RDH10: variants seen among roughly 807,000 people sequenced by gnomAD.
RDH10 encodes the protein retinol dehydrogenase 10 (all-trans).
RDH10 carries 12 observed loss-of-function variants against 30.2 expected under a neutral mutation model. The observed-to-expected ratio is 0.40, with a 90% confidence interval of 0.25 to 0.64. The LOEUF (loss-of-function observed/expected upper bound fraction) is 0.64. Among genes scored for constraint, RDH10 ranks in the 30% least tolerant of loss-of-function variants. The pLI is 0.43. For synonymous variants in RDH10, 189 were observed against 172.2 expected (o/e 1.10, Z -0.76); for missense variants, 268 against 445.2 (o/e 0.60, Z 3.58).
At chr8:73,313,134 G>A (rs1373162246) in intron 2 of RDH10, 1 of 152,166 alleles carries the variant, frequency 6.6e-6, no homozygotes, top group Non-Finnish European at 1.5e-5. Context: ...TTCCACTTTA[G>A]GCTAATTTGT....
chr8:73,310,099 T>A (rs1472057497), intron 2 of RDH10, among the ~76,000 whole-genome samples: 2 of 152,178 alleles, frequency 1.3e-5, no homozygotes, highest in Non-Finnish European at 2.9e-5. Context: ...AGGAAAAGCT[T>A]CCCAGGTGAT....
chr8:73,319,032 T>C, intron 2 of RDH10, 64 bp from the exon 3 acceptor site: 1 of 1,069,760 alleles, frequency 9.3e-7, no homozygotes. Context: ...TTTGTGATCC[T>C]GGACTGGGTT....
intron 2 of RDH10, among the ~76,000 whole-genome samples, chr8:73,299,682 A>G (rs1386433209): frequency 6.6e-6 from 1 of 152,228 alleles, no homozygotes; most frequent in Non-Finnish European, 1.5e-5. Context: ...AAGTTTAGCC[A>G]TCTTGCCTAC....
intron 2 of RDH10, among the ~76,000 whole-genome samples, chr8:73,317,516 G>A (rs1814694089): frequency 6.6e-6 from 1 of 152,120 alleles, no homozygotes; most frequent in African/African-American, 2.4e-5. Context: ...AAGACCTTGG[G>A]ATACTTCACA....
At chr8:73,317,204 A>G (rs78203419) in intron 2 of RDH10, among the ~76,000 whole-genome samples, 2,350 of 152,348 alleles carry the variant, frequency 0.015, 32 homozygotes, top group African/African-American at 0.038. Flanking sequence ...TAGGTCTTAG[A>G]GAAATGTAGA....
At position 73,319,146 on chromosome 8, in the gene RDH10, TGTGACAG is replaced by T. The variant is rs765208006; in HGVS notation, c.577_583del (p.Val193LeufsTer30). On this transcript the variant is annotated frameshift_variant, in exon 3 of 6. Coordinates refer to ENST00000240285, the MANE Select transcript of RDH10 (RefSeq NM_172037.5). LOFTEE classifies it high-confidence loss of function. ...TGCTGGAGATTAATCATGGTCATATTGTGACAGTTGCAAGTTCCTTGGGATTGTTCAG... is the reference window on the plus strand; with the variant it reads ...TGCTGGAGATTAATCATGGTCATATTTTGCAAGTTCCTTGGGATTGTTCAG... 1 of 1,613,926 alleles carries T rather than the reference TGTGACAG, an allele frequency of 6.2e-7. No individual in the cohort carries two copies. Among genetic ancestry groups the T allele is most frequent in the Admixed American group, 1.7e-5 (1 of 60,008 alleles).
chr8:73,306,385 CTT>C (rs1563548487), intron 2 of RDH10, among the ~76,000 whole-genome samples: 1 of 152,080 alleles, frequency 6.6e-6, no homozygotes, highest in South Asian at 2.1e-4. Context: ...TTTTTTTCTT[CTT>C]TTTTACTTTA....
Position 73,309,098 on chromosome 8 carries a change from T to C in RDH10, c.526-9998T>C, listed in dbSNP as rs74647778. Among the ~76,000 whole-genome samples the C allele has an allele frequency of 7.8e-3, 1,180 of 152,216 alleles. 9 individuals carry two copies. The highest frequency in any genetic ancestry group is 0.011 in the Non-Finnish European group (777 of 67,988). ...CCACATACACACACTTTTTTTTTCCTGAGCTAACCAGCCCTTTAGGAATCT... is the reference window on the plus strand; with the variant it reads ...CCACATACACACACTTTTTTTTTCCCGAGCTAACCAGCCCTTTAGGAATCT... On this transcript the variant is annotated intron_variant, in intron 2 of 5. Coordinates refer to ENST00000240285, the MANE Select transcript of RDH10 (RefSeq NM_172037.5).
Position 73,294,640 on chromosome 8 carries a change from C to A in RDH10, c.-650C>A, listed in dbSNP as rs1432483766. On this transcript the variant is annotated 5_prime_UTR_variant, in exon 1 of 6. Coordinates refer to ENST00000240285, the MANE Select transcript of RDH10 (RefSeq NM_172037.5). ...AGCGCTCTGACTTGCAAGCGGGCTG[C>A]GCTGCGGAGCCCAGTGCCCGAGTGA... 9.0e-6 allele frequency: 3 copies of A among 332,238 alleles called. No homozygotes were observed. Among genetic ancestry groups the A allele is most frequent in the Admixed American group, 4.9e-5 (1 of 20,484 alleles). The allele number at this position is 332,238 out of a possible 1,614,324, so 20.6% of individuals were successfully genotyped here.
chr8:73,315,272 C>T (rs1024673153), intron 2 of RDH10: 1 of 153,116 alleles, frequency 6.5e-6, no homozygotes, highest in South Asian at 1.9e-4. Flanking sequence ...CTCTCTCTCT[C>T]CCCCTCGCCC....
intron 2 of RDH10, chr8:73,297,980 G>A (rs191010757): frequency 8.4e-4 from 137 of 162,742 alleles, no homozygotes; most frequent in Middle Eastern, 6.6e-3. Flanking sequence ...ACAGTGCCTC[G>A]CAAATATCAC....
chr8:73,322,532 G>A (rs1814789246), intron 4 of RDH10, 147 bp from the exon 5 acceptor site: 2 of 698,652 alleles, frequency 2.9e-6, no homozygotes, highest in Admixed American at 6.5e-5. Context: ...GGAAAATTTG[G>A]AAAATACAGA....
Position 73,295,581 on chromosome 8 carries a change from AAC to A in RDH10, c.289+4_289+5del. On this transcript the variant is annotated splice_donor_5th_base_variant and intron_variant, in intron 1 of 5. Coordinates refer to ENST00000240285, the MANE Select transcript of RDH10 (RefSeq NM_172037.5). ...GGCCGACGCCGCTGCGCTGCAAGGTAACCTGGACCCGCGCGGGAGCATTGTTG... is the reference window on the plus strand; with the variant it reads ...GGCCGACGCCGCTGCGCTGCAAGGTACTGGACCCGCGCGGGAGCATTGTTG... 6.7e-7 allele frequency: 1 copy of A among 1,497,568 alleles called. No individual in the cohort carries two copies. Among genetic ancestry groups the A allele is most frequent in the Non-Finnish European group, 8.9e-7 (1 of 1,125,284 alleles). The allele number at this position is 1,497,568 out of a possible 1,614,324, so 92.8% of individuals were successfully genotyped here. A position where few individuals can be genotyped will look rare whatever the true frequency, so the allele number is the denominator to read the frequency against.
Position 73,321,203 on chromosome 8 carries a change from A to C in RDH10, c.770+126A>C, listed in dbSNP as rs1586197451. Reference sequence around the variant, plus strand: ...CAATCTGTGGCTTTTATTGGTCAAGATTTGTAAAGTTTGTAAAATTGGTGT... The same window carrying C: ...CAATCTGTGGCTTTTATTGGTCAAGCTTTGTAAAGTTTGTAAAATTGGTGT... On this transcript the variant is annotated intron_variant, in intron 4 of 5. Transcript: ENST00000240285. The C allele has an allele frequency of 5.4e-6, 5 of 925,510 alleles. No individual in the cohort carries two copies. The East Asian group carries it at 1.3e-4, about 24-fold the overall frequency. The allele number at this position is 925,510 out of a possible 1,614,324, so 57.3% of individuals were successfully genotyped here. A position where few individuals can be genotyped will look rare whatever the true frequency, so the allele number is the denominator to read the frequency against.
rs1386821135 is a variant in RDH10, at chr8:73,325,133, A to C, written c.*2097A>C. ...CTAGAGAAATCTGTTATAATTTAAC[A>C]ACCCACTTATCCACCTTAAAACTGA... On this transcript the variant is annotated 3_prime_UTR_variant, in exon 6 of 6. Coordinates refer to ENST00000240285, the MANE Select transcript of RDH10 (RefSeq NM_172037.5). The C allele has an allele frequency of 6.6e-6, 1 of 152,224 alleles. No homozygotes were observed. The highest frequency in any genetic ancestry group is 1.5e-5 in the Non-Finnish European group (1 of 68,046). The allele number at this position is 152,224 out of a possible 1,614,324, so 9.4% of individuals were successfully genotyped here.
chr8:73,296,692 G>A (rs1814272478), intron 1 of RDH10, among the ~76,000 whole-genome samples: 1 of 152,240 alleles, frequency 6.6e-6, no homozygotes, highest in East Asian at 1.9e-4. Flanking sequence ...TAAAAATTGT[G>A]GATTCATTTC....
At chr8:73,306,009 T>TA (rs1814458106) in intron 2 of RDH10, among the ~76,000 whole-genome samples, 1 of 152,228 alleles carries the variant, frequency 6.6e-6, no homozygotes. Context: ...GAAGCTCCTT[T>TA]AGGCTGAGAC....
chr8:73,302,294 A>G (rs1814393174), intron 2 of RDH10, among the ~76,000 whole-genome samples: 1 of 152,214 alleles, frequency 6.6e-6, no homozygotes, highest in Admixed American at 6.5e-5. Context: ...CCAGTACAAG[A>G]CCATGGAAAA....
intron 2 of RDH10, among the ~76,000 whole-genome samples, chr8:73,318,060 G>GT (rs879795638): frequency 2.0e-5 from 3 of 152,094 alleles, no homozygotes; most frequent in Admixed American, 6.6e-5. Flanking sequence ...GGTTGTGTGG[G>GT]TTTTTTTAAC....
Sources: gnomAD v4.1 joint callset for allele counts (sites outside exome capture counted in the v4.1 genomes callset) on GRCh38, gnomAD v4.1.1 for gene constraint, MANE v1.5 for transcripts, NCBI Gene and HGNC (gene_info 2026-07-23, HGNC 2026-07-21) for gene names.